MAPK4: variants seen among roughly 807,000 people sequenced by gnomAD.
The protein encoded by MAPK4 is Erk3-related.
Under a neutral mutation model 47.7 loss-of-function variants are expected in MAPK4, and 22 were observed. The observed-to-expected ratio is 0.46, with a 90% confidence interval of 0.33 to 0.66. The LOEUF (loss-of-function observed/expected upper bound fraction) is 0.66, where lower values mean the gene tolerates loss of function less well. MAPK4 is among the 30% of genes least tolerant of loss of function. MAPK4 has a pLI of 0.02. For synonymous variants in MAPK4, 390 were observed against 365.7 expected, an observed-to-expected ratio of 1.07 and a Z score of -0.76; for missense variants, 736 against 831.7, an observed-to-expected ratio of 0.88 and a Z score of 1.42.
chr18:50,659,643 C>A (rs2043148420), intron 1 of MAPK4, among the ~76,000 whole-genome samples: 1 of 152,214 alleles, frequency 6.6e-6, no homozygotes, highest in Non-Finnish European at 1.5e-5. Context: ...AGTGAGAAAG[C>A]AGTTGAGAGC....
chr18:50,559,862 G>A (rs1008474105), upstream of MAPK4, among the ~76,000 whole-genome samples: 1 of 151,448 alleles, frequency 6.6e-6, no homozygotes, highest in Admixed American at 6.6e-5. Context: ...GTCTCCGCGG[G>A]ACTGGGTCCG....
At chr18:50,575,792 C>CAAAAAAAAAAAAAAAAAAAAAAACAAAAA (rs540138636) in intron 1 of MAPK4, among the ~76,000 whole-genome samples, 1 of 70,130 alleles carries the variant, frequency 1.4e-5, no homozygotes. Context: ...AATCAACAAG[C>CAAAAAAAAAAAAAAAAAAAAAAACAAAAA]AAAAAAAAAA....
rs1253045945 is a variant in MAPK4, at chr18:50,688,907, A to AG, written c.546+24403_546+24404insG. Among the ~76,000 whole-genome samples the AG allele has an allele frequency of 8.7e-4, 131 of 151,346 alleles. 1 individual carries two copies. Among genetic ancestry groups the AG allele is most frequent in the South Asian group, 2.3e-3 (11 of 4,790 alleles). ...ATGGAAATAAAAAAAAAAAAAAAAA[A>AG]AAAGAAAGACAGTGCATATCCCTTC... On this transcript the variant is annotated intron_variant, in intron 2 of 5. Transcript: ENST00000400384.
chr18:50,677,871 C>T (rs1462617928), intron 2 of MAPK4, among the ~76,000 whole-genome samples: 4 of 152,160 alleles, frequency 2.6e-5, no homozygotes, highest in Non-Finnish European at 5.9e-5. Flanking sequence ...TAAATCTTAC[C>T]TCCCCACCCA....
intron 1 of MAPK4, among the ~76,000 whole-genome samples, chr18:50,587,486 G>A (rs2042398980): frequency 6.6e-6 from 1 of 152,128 alleles, no homozygotes. Context: ...TAAATGTCTT[G>A]TCCAAAGTTT....
In MAPK4 at chr18:50,640,182, G is replaced by T. The variant is rs1442672797; in HGVS notation, c.-870-22907G>T. ...AAACAACCACACTAGCAGTAGAAGA[G>T]TCCCTTCCTGTCAACAATGAAGCAT... On this transcript the variant is annotated intron_variant, in intron 1 of 5. Coordinates refer to ENST00000400384, the MANE Select transcript of MAPK4 (RefSeq NM_002747.4). 2.6e-5 allele frequency among the ~76,000 whole-genome samples: 4 copies of T among 152,174 alleles called. No homozygotes were observed. In the East Asian group the frequency reaches 7.7e-4, roughly 29 times the overall value.
chr18:50,615,944 G>A (rs186820879), intron 1 of MAPK4, among the ~76,000 whole-genome samples: 34 of 152,294 alleles, frequency 2.2e-4, no homozygotes, highest in Admixed American at 1.6e-3. Flanking sequence ...TAAGGTGACC[G>A]AGCCAGTTAC....
intron 1 of MAPK4, among the ~76,000 whole-genome samples, chr18:50,586,128 A>G (rs2042385853): frequency 6.6e-6 from 1 of 152,200 alleles, no homozygotes; most frequent in South Asian, 2.1e-4. Context: ...ATCCATTCAT[A>G]AGGAACTTGA....
intron 1 of MAPK4, among the ~76,000 whole-genome samples, chr18:50,602,436 T>G (rs919740570): frequency 2.6e-5 from 4 of 152,208 alleles, no homozygotes; most frequent in African/African-American, 9.6e-5. Context: ...TATCTTTGTC[T>G]ATCAGAATGA....
At chr18:50,596,086 C>A (rs1006207059) in intron 1 of MAPK4, among the ~76,000 whole-genome samples, 1 of 152,114 alleles carries the variant, frequency 6.6e-6, no homozygotes, top group Non-Finnish European at 1.5e-5. Context: ...TAGTACTCAG[C>A]GCTGGGAGCT....
rs531460072 is a variant in MAPK4, at chr18:50,701,508, G to T, written c.547-13571G>T. 4.7e-4 allele frequency among the ~76,000 whole-genome samples: 72 copies of T among 152,176 alleles called. 2 individuals are homozygous for T. The South Asian group carries it at 0.015, about 31-fold the overall frequency. Reference sequence around the variant, plus strand: ...GTGGAGATGCTTTTAGTTTTAGTGGGCTATGTTTACGTGGTTTGCAGTTAC... The same window carrying T: ...GTGGAGATGCTTTTAGTTTTAGTGGTCTATGTTTACGTGGTTTGCAGTTAC... On this transcript the variant is annotated intron_variant, in intron 2 of 5. Transcript: ENST00000400384.
At chr18:50,641,491 A>G (rs928715901) in intron 1 of MAPK4, among the ~76,000 whole-genome samples, 1 of 152,226 alleles carries the variant, frequency 6.6e-6, no homozygotes, top group African/African-American at 2.4e-5. Context: ...TTCAAAATAT[A>G]TATATACTTT....
intron 1 of MAPK4, among the ~76,000 whole-genome samples, chr18:50,581,503 A>G (rs893594389): frequency 6.6e-6 from 1 of 152,202 alleles, no homozygotes; most frequent in Admixed American, 6.5e-5. Flanking sequence ...CTGAAATGGC[A>G]TGGTCATTGC....
At chr18:50,714,975 A>G (rs181944884) in intron 2 of MAPK4, 104 bp from the exon 3 acceptor site, 253 of 1,125,826 alleles carry the variant, frequency 2.2e-4, no homozygotes, top group Non-Finnish European at 3.1e-4. Flanking sequence ...AATGAAAGGG[A>G]CCCTGAAAGA....
At chr18:50,586,045 A>G (rs1489314319) in intron 1 of MAPK4, among the ~76,000 whole-genome samples, 1 of 152,192 alleles carries the variant, frequency 6.6e-6, no homozygotes, top group Non-Finnish European at 1.5e-5. Context: ...GGGTGTGACC[A>G]TTTCAGTAAT....
chr18:50,567,935 G>A (rs550175987), intron 1 of MAPK4, among the ~76,000 whole-genome samples: 4 of 152,160 alleles, frequency 2.6e-5, no homozygotes, highest in South Asian at 2.1e-4. Context: ...AGTGGCTCAC[G>A]CCTGTAATCC....
In MAPK4 at chr18:50,688,928, C is replaced by A. The variant is rs370290914; in HGVS notation, c.546+24424C>A. ...AAAAAAAAGAAAGACAGTGCATATC[C>A]CTTCTAGGACTCATAGAGCAAAAGA... is the stretch of plus-strand genomic sequence containing the variant. On this transcript the variant is annotated intron_variant, in intron 2 of 5. Coordinates refer to ENST00000400384, the MANE Select transcript of MAPK4 (RefSeq NM_002747.4). Among the ~76,000 whole-genome samples, 67 of 151,340 alleles carry A rather than the reference C, an allele frequency of 4.4e-4. 2 individuals are homozygous for A. In the South Asian group the frequency reaches 0.013, roughly 29 times the overall value.
chr18:50,627,040 CT>C (rs2042784780), intron 1 of MAPK4, among the ~76,000 whole-genome samples: 1 of 139,506 alleles, frequency 7.2e-6, no homozygotes. Context: ...TTTGTCCCCC[CT>C]ACCACCCCGC....
At chr18:50,699,430 C>A (rs1016773684) in intron 2 of MAPK4, among the ~76,000 whole-genome samples, 1 of 152,160 alleles carries the variant, frequency 6.6e-6, no homozygotes, top group Non-Finnish European at 1.5e-5. Flanking sequence ...ATGATTTGAT[C>A]GTTTAAATAA....
Sources: gnomAD v4.1 joint callset for allele counts (sites outside exome capture counted in the v4.1 genomes callset) on GRCh38, gnomAD v4.1.1 for gene constraint, MANE v1.5 for transcripts, NCBI Gene and HGNC (gene_info 2026-07-23, HGNC 2026-07-21) for gene names.